The following SPTBN4 variants were observed in gnomAD, a reference collection of about 807,000 sequenced individuals.
The protein encoded by SPTBN4 is spectrin beta, non-erythrocytic 4.
SPTBN4 carries 96 observed loss-of-function variants against 277.8 expected under a neutral mutation model. The ratio of observed to expected loss-of-function variants is 0.35; its 90% CI spans 0.29 to 0.41. SPTBN4 has a LOEUF of 0.41. Ranked by LOEUF, SPTBN4 falls within the 10% of genes least tolerant of loss-of-function variation. SPTBN4 has a pLI of 1.00. For missense variants in SPTBN4, 3,006 were observed against 3,595.7 expected, an observed-to-expected ratio of 0.84 and a Z score of 4.19; for synonymous variants, 1,481 against 1,580.3, an observed-to-expected ratio of 0.94 and a Z score of 1.49.
intron 35 of SPTBN4, among the ~76,000 whole-genome samples, chr19:40,574,287 G>A (rs2081181273): frequency 6.6e-6 from 1 of 152,098 alleles, no homozygotes; most frequent in African/African-American, 2.4e-5. Flanking sequence ...GCATAAAGGT[G>A]GTTTGAAGAG....
At chr19:40,524,605 T>C (rs944040695) in intron 17 of SPTBN4, 3 of 456,432 alleles carry the variant, frequency 6.6e-6, no homozygotes, top group African/African-American at 6.0e-5. Flanking sequence ...CCTCCCCAGA[T>C]CCAGCAGCTA....
chr19:40,575,364 G>T, intron 35 of SPTBN4, 47 bp from the exon 36 acceptor site: 2 of 1,582,480 alleles, frequency 1.3e-6, no homozygotes, highest in Non-Finnish European at 8.6e-7. Context: ...TATTATTCCA[G>T]CTTCTCTCTT....
At chr19:40,525,384 G>A (rs1260016743) in intron 17 of SPTBN4, among the ~76,000 whole-genome samples, 1 of 147,326 alleles carries the variant, frequency 6.8e-6, no homozygotes, top group Non-Finnish European at 1.5e-5. Context: ...GTGCAGTGGT[G>A]CAATCATAGC....
rs758550697 is a variant in SPTBN4 at position 40,554,554 on chromosome 19, G to T, written c.4992G>T (p.Leu1664=). 4.7e-6 allele frequency: 7 copies of T among 1,503,648 alleles called. No homozygotes were observed. The highest frequency in any genetic ancestry group is 6.2e-6 in the Non-Finnish European group (7 of 1,122,700). 93.1% of individuals were successfully genotyped at this position (1,503,648 alleles called of 1,614,324 possible). A position where few individuals can be genotyped will look rare whatever the true frequency, so the allele number is the denominator to read the frequency against. Residue 1664 remains leucine, a synonymous_variant, in exon 24 of 36, where the codon CTG becomes CTT. Coordinates refer to ENST00000598249, the MANE Select transcript of SPTBN4 (RefSeq NM_020971.3). The surrounding 1 kb of genome is among the most constrained non-coding windows in gnomAD (Gnocchi z 5.7). ...CCCTGCAGCTGCTCAAGAAACACCTGCAGCTGGAGCAAGGCGTGGAGAACT... is the reference window on the plus strand; with the variant it reads ...CCCTGCAGCTGCTCAAGAAACACCTTCAGCTGGAGCAAGGCGTGGAGAACT... ...QSTLQLLKKH[L]QLEQGVENYE...
At chr19:40,497,728 A>C (rs1420509245) in intron 7 of SPTBN4, 124 bp downstream of exon 7, 7 of 725,218 alleles carry the variant, frequency 9.7e-6, no homozygotes, top group South Asian at 1.7e-5. Context: ...CCAAATCCCA[A>C]CTCTTTCCAA....
intron 6 of SPTBN4, among the ~76,000 whole-genome samples, chr19:40,495,278 C>T (rs2080183733): frequency 6.6e-6 from 1 of 152,104 alleles, no homozygotes; most frequent in African/African-American, 2.4e-5. Context: ...CACAGCCTGC[C>T]CGCAGGGTAG....
chr19:40,529,045 C>T lies in SPTBN4; in HGVS notation c.3862C>T (p.Gln1288Ter), dbSNP rs775908591. The T allele has an allele frequency of 6.2e-7, 1 of 1,613,978 alleles. No individual in the cohort carries two copies. Among genetic ancestry groups the T allele is most frequent in the Admixed American group, 1.7e-5 (1 of 60,014 alleles). Reference sequence around the variant, plus strand: ...CCCTTATCTCCCCATCCCCAGGAACCAAGAAAACCAGTTACGGGCCCAGCA... The same window carrying T: ...CCCTTATCTCCCCATCCCCAGGAACTAAGAAAACCAGTTACGGGCCCAGCA... ...EAVTRLLEKN[Q>*]ENQLRAQQWM... The change falls in exon 18 of 36, where the codon CAA (glutamine) becomes TAA (stop). Residue 1288 changes from glutamine (Q) to a stop codon, truncating the protein, a stop_gained. Coordinates refer to ENST00000598249, the MANE Select transcript of SPTBN4 (RefSeq NM_020971.3). LOFTEE classifies it high-confidence loss of function.
intron 7 of SPTBN4, 65 bp downstream of exon 7, chr19:40,497,669 A>T: frequency 1.5e-6 from 2 of 1,314,478 alleles, no homozygotes; most frequent in South Asian, 2.4e-5. Flanking sequence ...ATGCCATGTC[A>T]CACTCAACTC....
At chr19:40,541,046 G>A (rs576255023) in intron 20 of SPTBN4, among the ~76,000 whole-genome samples, 1 of 152,058 alleles carries the variant, frequency 6.6e-6, no homozygotes, top group African/African-American at 2.4e-5. Context: ...TTCTCAGTCC[G>A]ATGGCTGGGA....
At chr19:40,497,161 A>G (rs1256767866) in intron 6 of SPTBN4, among the ~76,000 whole-genome samples, 2 of 151,632 alleles carry the variant, frequency 1.3e-5, no homozygotes, top group Non-Finnish European at 2.9e-5. Flanking sequence ...ATATGATTTC[A>G]CAGAGACATA....
chr19:40,530,298 T>A (rs1258621810), intron 18 of SPTBN4, among the ~76,000 whole-genome samples: 1 of 152,042 alleles, frequency 6.6e-6, no homozygotes, highest in Non-Finnish European at 1.5e-5. Context: ...CATGAGATTG[T>A]TCTGGATCAG....
chr19:40,512,628 G>A lies in SPTBN4; in HGVS notation c.1839G>A (p.Gln613=). ...QLQGYQPCDP[Q]VICNRVNHVH... ...CAGGCTACCAGCCCTGCGACCCGCA[G>A]GTCATCTGCAACCGCGTGAACCACG... The change falls in exon 14 of 36, where the codon CAG becomes CAA. Residue 613 remains glutamine, a synonymous_variant. Transcript: ENST00000598249. The A allele has an allele frequency of 6.5e-7, 1 of 1,540,998 alleles. No individual in the cohort carries two copies. The highest frequency in any genetic ancestry group is 8.7e-7 in the Non-Finnish European group (1 of 1,151,574).
chr19:40,534,368 G>A, intron 20 of SPTBN4, 25 bp downstream of exon 20: 2 of 1,608,256 alleles, frequency 1.2e-6, no homozygotes, highest in Non-Finnish European at 1.7e-6. Flanking sequence ...GCCCAGATGA[G>A]GGCTCCCTAT....
At position 40,549,268 on chromosome 19, in the gene SPTBN4, C is replaced by T; in HGVS notation, c.4439C>T (p.Pro1480Leu). 1 of 1,545,724 alleles carries T rather than the reference C, an allele frequency of 6.5e-7. No individual in the cohort carries two copies. Among genetic ancestry groups the T allele is most frequent in the Non-Finnish European group, 8.7e-7 (1 of 1,146,604 alleles). The change falls in exon 21 of 36, where the codon CCG becomes CTG. Residue 1480 changes from proline (P) to leucine (L), a missense_variant. Physicochemically the swap from Pro to Leu is moderately conservative, Grantham distance 98 (BLOSUM62 -3). Transcript: ENST00000598249. ...QAQTAALPLE[P>L]ASKELVGERQ... ...CAGACGGCGGCGCTGCCGCTGGAGC[C>T]GGCGAGCAAGGAGCTGGTGGGTGAG...
At chr19:40,523,320 C>G in intron 16 of SPTBN4, 117 bp from the exon 17 acceptor site, 1 of 1,004,484 alleles carries the variant, frequency 1.0e-6, no homozygotes, top group Non-Finnish European at 1.5e-6. Flanking sequence ...GGGACCACAA[C>G]TGGAATGTTC....
chr19:40,567,108 G>A (rs2081100677), intron 30 of SPTBN4: 1 of 455,042 alleles, frequency 2.2e-6, no homozygotes, highest in Admixed American at 2.4e-5. Context: ...ATACTGAGAA[G>A]CCGTCTCTAC....
In SPTBN4 at chr19:40,570,535, G is replaced by A; in HGVS notation, c.7126G>A (p.Asp2376Asn). The stretch of plus-strand genomic sequence containing the variant: ...TCGGCCGGACCGGCCCCGGGCGCGG[G>A]ACCGGCCCAAGCCGCGACGGCGGCC... ...TPRPDRPRARDRPKPRRRPRP... is the reference protein window; with the variant it reads ...TPRPDRPRARNRPKPRRRPRP... Residue 2376 changes from aspartate to asparagine, a missense_variant, in exon 33 of 36, where the codon GAC becomes AAC. Asp to Asn is a conservative substitution (Grantham distance 23). Transcript: ENST00000598249. 1 of 1,413,722 alleles carries A rather than the reference G, an allele frequency of 7.1e-7. No homozygotes were observed. The highest frequency in any genetic ancestry group is 9.2e-7 in the Non-Finnish European group (1 of 1,088,270). The allele number at this position is 1,413,722 out of a possible 1,614,324, so 87.6% of individuals were successfully genotyped here.
At chr19:40,530,729 C>G (rs2080658036) in intron 18 of SPTBN4, 1 of 247,434 alleles carries the variant, frequency 4.0e-6, no homozygotes, top group Non-Finnish European at 6.4e-6. Flanking sequence ...GGCAGGCGCC[C>G]GGACCCCCAC....
chr19:40,522,696 G>A (rs1253239522), intron 16 of SPTBN4, among the ~76,000 whole-genome samples: 2 of 152,066 alleles, frequency 1.3e-5, no homozygotes, highest in Admixed American at 6.6e-5. Context: ...TGTGCTGGGC[G>A]CTATTTTGGG....
Sources: gnomAD v4.1 joint callset for allele counts (sites outside exome capture counted in the v4.1 genomes callset) on GRCh38, gnomAD v4.1.1 for gene constraint, Gnocchi (gnomAD v3.1) non-coding constraint, MANE v1.5 for transcripts, NCBI Gene and HGNC (gene_info 2026-07-23, HGNC 2026-07-21) for gene names.